The following NXPE2 variants were observed in gnomAD, a reference collection of about 807,000 sequenced individuals.
NXPE2 encodes the protein NXPE family member 2.
NXPE2 carries 34 observed loss-of-function variants against 34.4 expected under a neutral mutation model. The ratio of observed to expected loss-of-function variants is 0.99; its 90% CI spans 0.75 to 1.31. The LOEUF (loss-of-function observed/expected upper bound fraction) is 1.31, where lower values mean the gene tolerates loss of function less well. Among genes scored for constraint, NXPE2 ranks in the 40% most tolerant of loss-of-function variants. The pLI is 0.00. For synonymous variants in NXPE2, 235 were observed against 231.3 expected (o/e 1.02, Z -0.15); for missense variants, 649 against 672.5 (o/e 0.97, Z 0.39).
chr11:114,503,157 T>C, the NXPE2 span, among the ~76,000 whole-genome samples: 1 of 152,056 alleles, frequency 6.6e-6, no homozygotes, highest in Non-Finnish European at 1.5e-5. Flanking sequence ...GGGGTGTAAG[T>C]CCTGATGAAT....
chr11:114,553,988 A>C, the NXPE2 span: 59 of 985,290 alleles, frequency 6.0e-5, no homozygotes, highest in African/African-American at 1.2e-4. Context: ...CTCAAAGTCA[A>C]CTTGTCCAAT....
the NXPE2 span, among the ~76,000 whole-genome samples, chr11:114,795,342 T>C: frequency 2.3e-4 from 35 of 152,308 alleles, no homozygotes; most frequent in African/African-American, 8.4e-4. Flanking sequence ...GCATTCAGCT[T>C]CCCTATTCCT....
the NXPE2 span, among the ~76,000 whole-genome samples, chr11:114,649,058 G>A: frequency 5.3e-5 from 8 of 151,698 alleles, no homozygotes; most frequent in South Asian, 1.5e-3. Context: ...TGGTCACATG[G>A]TTATAACTGA....
the NXPE2 span, among the ~76,000 whole-genome samples, chr11:114,591,839 C>A: frequency 1.3e-5 from 2 of 152,070 alleles, no homozygotes; most frequent in Admixed American, 1.3e-4. Flanking sequence ...GCCCTTGATG[C>A]AAGGATTATC....
At chr11:114,675,677 A>C (rs1950850908), upstream of NXPE2, among the ~76,000 whole-genome samples, 1 of 151,970 alleles carries the variant, frequency 6.6e-6, no homozygotes, top group South Asian at 2.1e-4. Context: ...ATACTGCCCA[A>C]AACATTCTAC....
chr11:114,803,636 G>T, the NXPE2 span, among the ~76,000 whole-genome samples: 1 of 151,024 alleles, frequency 6.6e-6, no homozygotes, highest in African/African-American at 2.4e-5. Flanking sequence ...GAGCACAGTG[G>T]CACAATCTGG....
chr11:114,806,627 G>A, the NXPE2 span, among the ~76,000 whole-genome samples: 301 of 152,258 alleles, frequency 2.0e-3, 1 homozygote, highest in South Asian at 8.7e-3. Context: ...GAAATGAAGC[G>A]AGAAGAGAAG....
chr11:114,639,984 ATAATAAT>A, the NXPE2 span, among the ~76,000 whole-genome samples: 19 of 96,324 alleles, frequency 2.0e-4, no homozygotes, highest in Non-Finnish European at 4.1e-5. Context: ...ATAATATAAT[ATAATAAT>A]GTTATATAAT....
chr11:114,698,337 G>A lies in NXPE2; in HGVS notation c.425G>A (p.Arg142Lys). 1 of 1,614,002 alleles carries A rather than the reference G, an allele frequency of 6.2e-7. No individual in the cohort carries two copies. The highest frequency in any genetic ancestry group is 8.5e-7 in the Non-Finnish European group (1 of 1,179,950). Residue 142 changes from arginine (R) to lysine (K), a missense_variant, in exon 3 of 6, where the codon AGG becomes AAG. Transcript: ENST00000389586. The part of the protein sequence containing the change: ...LLEVRDHLGH[R>K]KQYGGDFLRA... ...GAGGTGAGGGACCACTTGGGACACA[G>A]GAAGCAATATGGTGGGGATTTCCTG...
the NXPE2 span, among the ~76,000 whole-genome samples, chr11:114,610,339 C>T: frequency 2.6e-5 from 4 of 151,744 alleles, no homozygotes; most frequent in Non-Finnish European, 5.9e-5. Context: ...ATAAGTATGG[C>T]CTCATGAGTA....
the NXPE2 span, among the ~76,000 whole-genome samples, chr11:114,470,342 T>C: frequency 6.6e-6 from 1 of 152,338 alleles, no homozygotes; most frequent in Admixed American, 6.5e-5. Flanking sequence ...TTACTCCATA[T>C]CCTTGCCAAC....
intron 4 of NXPE2, 94 bp downstream of exon 4, chr11:114,704,146 A>T: frequency 1.1e-6 from 1 of 906,152 alleles, no homozygotes; most frequent in Non-Finnish European, 1.7e-6. Context: ...TAACGATTTG[A>T]TCTCTCATTT....
chr11:114,803,000 G>A, the NXPE2 span, among the ~76,000 whole-genome samples: 5 of 152,252 alleles, frequency 3.3e-5, no homozygotes, highest in African/African-American at 9.6e-5. Flanking sequence ...AGCAGGGCCC[G>A]CAGGTCCCCA....
chr11:114,495,747 G>T, the NXPE2 span, among the ~76,000 whole-genome samples: 1 of 152,030 alleles, frequency 6.6e-6, no homozygotes, highest in Admixed American at 6.5e-5. Context: ...ACCAGGACTA[G>T]GTCTTTCACT....
At chr11:114,670,070 A>G in the NXPE2 span, among the ~76,000 whole-genome samples, 119 of 152,160 alleles carry the variant, frequency 7.8e-4, no homozygotes, top group African/African-American at 2.6e-3. Context: ...AATTAGAACA[A>G]ACCTCAAAGA....
chr11:114,667,019 T>A, the NXPE2 span, among the ~76,000 whole-genome samples: 1 of 152,146 alleles, frequency 6.6e-6, no homozygotes, highest in African/African-American at 2.4e-5. Context: ...TCTAACGTCC[T>A]CACTTTTAAA....
the NXPE2 span, chr11:114,530,476 G>A: frequency 6.2e-7 from 1 of 1,614,224 alleles, no homozygotes; most frequent in South Asian, 1.1e-5. Context: ...AGCAGAGACA[G>A]GGAGACCTGG....
At chr11:114,641,231 G>A in the NXPE2 span, among the ~76,000 whole-genome samples, 1 of 151,808 alleles carries the variant, frequency 6.6e-6, no homozygotes, top group South Asian at 2.1e-4. Context: ...TGAAAGACAA[G>A]TTTAAAAATA....
At chr11:114,583,460 G>T in the NXPE2 span, 1 of 665,316 alleles carries the variant, frequency 1.5e-6, no homozygotes, top group Non-Finnish European at 2.8e-6. Flanking sequence ...GTACCACAGT[G>T]ATGACTACAT....
Sources: gnomAD v4.1 joint callset for allele counts (sites outside exome capture counted in the v4.1 genomes callset) on GRCh38, gnomAD v4.1.1 for gene constraint, MANE v1.5 for transcripts, NCBI Gene and HGNC (gene_info 2026-07-23, HGNC 2026-07-21) for gene names.